The following ANK3 variants were observed in gnomAD, a reference collection of about 807,000 sequenced individuals.
The protein encoded by ANK3 is ankyrin-3.
Under a neutral mutation model 370.9 loss-of-function variants are expected in ANK3, and 57 were observed. The observed-to-expected ratio is 0.15, with a 90% CI of 0.12 to 0.19. The LOEUF is 0.19. Among genes scored for constraint, ANK3 ranks in the 10% least tolerant of loss-of-function variants. The pLI is 1.00. For missense variants in ANK3, 4,439 were observed against 5,302.1 expected (o/e 0.84, Z 5.06); for synonymous variants, 1,929 against 1,946.3 (o/e 0.99, Z 0.23).
At chr10:60,515,096 A>G (rs2076185715) in intron 2 of ANK3, among the ~76,000 whole-genome samples, 1 of 152,210 alleles carries the variant, frequency 6.6e-6, no homozygotes, top group Non-Finnish European at 1.5e-5. Context: ...TACTAGAGCT[A>G]TACTATAAGA....
chr10:60,671,145 C>G (rs2079059971), intron 1 of ANK3, among the ~76,000 whole-genome samples: 1 of 152,170 alleles, frequency 6.6e-6, no homozygotes, highest in East Asian at 1.9e-4. Context: ...GCAGCTAAAT[C>G]TAAATATAAA....
chr10:60,068,478 A>G (rs1176177118), intron 37 of ANK3, among the ~76,000 whole-genome samples, 159 bp downstream of exon 37: 1 of 152,250 alleles, frequency 6.6e-6, no homozygotes, highest in African/African-American at 2.4e-5. Context: ...GCACATACAG[A>G]TGACAATGAC....
Position 60,157,929 on chromosome 10 carries a change from C to T in ANK3, c.2614+8662G>A, listed in dbSNP as rs184396484. On this transcript the variant is annotated intron_variant, in intron 23 of 43. Transcript: ENST00000280772. ...GAGAGAGAGAGAGAGAGAGAGGCAG[C>T]GGCAGGGAAGGAGGGAGGGAGATCA... Among the ~76,000 whole-genome samples, 558 of 121,032 alleles carry T rather than the reference C, an allele frequency of 4.6e-3. 7 individuals are homozygous for T. Among genetic ancestry groups the T allele is most frequent in the Middle Eastern group, 0.036 (6 of 166 alleles). 79.4% of individuals were successfully genotyped at this position (121,032 alleles called of 152,430 possible).
At chr10:60,601,724 A>G (rs1194026741) in intron 2 of ANK3, among the ~76,000 whole-genome samples, 2 of 152,154 alleles carry the variant, frequency 1.3e-5, no homozygotes, top group African/African-American at 4.8e-5. Flanking sequence ...ATAAAATATA[A>G]TGTGGTACTG....
At chr10:60,242,871 T>C (rs2097489967) in intron 7 of ANK3, among the ~76,000 whole-genome samples, 3 of 152,150 alleles carry the variant, frequency 2.0e-5, no homozygotes, top group Admixed American at 1.3e-4. Flanking sequence ...TCTGAAAAAT[T>C]TGATTTTTTG....
At chr10:60,327,605 T>C (rs902816734) in intron 1 of ANK3, among the ~76,000 whole-genome samples, 2 of 152,234 alleles carry the variant, frequency 1.3e-5, no homozygotes, top group African/African-American at 2.4e-5. Flanking sequence ...ATGGGATTTC[T>C]TGGAAGTAAA....
chr10:60,421,285 T>C (rs2063773406), intron 2 of ANK3, among the ~76,000 whole-genome samples: 1 of 152,094 alleles, frequency 6.6e-6, no homozygotes, highest in Non-Finnish European at 1.5e-5. Flanking sequence ...ATATAATTAA[T>C]GCCAGTGAAT....
At chr10:60,675,849 T>G (rs2079117648) in intron 1 of ANK3, among the ~76,000 whole-genome samples, 1 of 152,140 alleles carries the variant, frequency 6.6e-6, no homozygotes, top group Admixed American at 6.5e-5. Context: ...CAAAGGTCAA[T>G]TCACCGTCAC....
chr10:60,323,148 A>G (rs954888611), intron 1 of ANK3, among the ~76,000 whole-genome samples: 2 of 152,196 alleles, frequency 1.3e-5, no homozygotes, highest in African/African-American at 2.4e-5. Context: ...TAAAGGGTGT[A>G]TTAACAAGCC....
intron 2 of ANK3, among the ~76,000 whole-genome samples, chr10:60,544,143 C>A (rs527683897): frequency 4.4e-4 from 67 of 152,064 alleles, no homozygotes; most frequent in African/African-American, 1.5e-3. Context: ...TAGAAAACAC[C>A]GTCCAGAAGG....
Position 60,439,460 on chromosome 10 carries a change from C to A in ANK3, c.97-159821G>T, listed in dbSNP as rs149093383. On this transcript the variant is annotated intron_variant, in intron 2 of 43. Coordinates refer to the ANK3 transcript ENST00000373827. ...ATCGCTTGAGGCCAGGAGTTCGAGACCTGCCAGGGCAACAACACAGTGAGC... is the reference window on the plus strand; with the variant it reads ...ATCGCTTGAGGCCAGGAGTTCGAGAACTGCCAGGGCAACAACACAGTGAGC... 2.6e-3 allele frequency among the ~76,000 whole-genome samples: 390 copies of A among 152,066 alleles called. 1 individual carries two copies. Among genetic ancestry groups the A allele is most frequent in the African/African-American group, 9.0e-3 (373 of 41,454 alleles).
At chr10:60,478,400 A>G (rs914241964) in intron 2 of ANK3, among the ~76,000 whole-genome samples, 4 of 152,150 alleles carry the variant, frequency 2.6e-5, no homozygotes, top group Non-Finnish European at 5.9e-5. Flanking sequence ...CAATAGTAAA[A>G]ACAAAAACTG....
chr10:60,465,811 A>G (rs1397525177), intron 2 of ANK3, among the ~76,000 whole-genome samples: 7 of 149,324 alleles, frequency 4.7e-5, no homozygotes, highest in African/African-American at 1.5e-4. Context: ...TTTTTTCAAA[A>G]AAAGAGGACT....
intron 2 of ANK3, among the ~76,000 whole-genome samples, chr10:60,535,496 T>G (rs985656079): frequency 6.6e-6 from 1 of 152,052 alleles, no homozygotes; most frequent in Non-Finnish European, 1.5e-5. Flanking sequence ...GGGCTATATA[T>G]AGTAGAAATA....
At chr10:60,326,395 G>GA (rs1278599212) in intron 1 of ANK3, among the ~76,000 whole-genome samples, 1 of 152,182 alleles carries the variant, frequency 6.6e-6, no homozygotes, top group Non-Finnish European at 1.5e-5. Context: ...GGGAAGTTCT[G>GA]ATGATTGCCT....
At chr10:60,122,136 C>T (rs1165355187) in intron 25 of ANK3, among the ~76,000 whole-genome samples, 7 of 152,182 alleles carry the variant, frequency 4.6e-5, no homozygotes, top group East Asian at 3.9e-4. Context: ...TTCCCACTCC[C>T]GATTTTTCCA....
chr10:60,224,913 C>CT (rs912364137), intron 8 of ANK3, among the ~76,000 whole-genome samples: 71 of 144,738 alleles, frequency 4.9e-4, no homozygotes, highest in Admixed American at 7.7e-4. Flanking sequence ...CTTTTTCTTT[C>CT]TTTTTTTTTT....
In ANK3 at chr10:60,582,339, TCTGAGGCAGTACATCTTC is replaced by T. The variant is rs1408389957; in HGVS notation, c.96+32829_96+32846del. On this transcript the variant is annotated intron_variant, in intron 2 of 43. Coordinates refer to the ANK3 transcript ENST00000373827. The stretch of plus-strand genomic sequence containing the variant: ...AAGTGACCTTGAGGCAGTACATCTA[TCTGAGGCAGTACATCTTC>T]CTGAGGCATTTCTACTGAAGTTCCA... Among the ~76,000 whole-genome samples the T allele has an allele frequency of 2.0e-5, 3 of 152,134 alleles. No homozygotes were observed. In the South Asian group the frequency reaches 6.2e-4, roughly 32 times the overall value.
intron 2 of ANK3, among the ~76,000 whole-genome samples, chr10:60,575,887 C>T (rs533055046): frequency 1.4e-4 from 21 of 152,172 alleles, no homozygotes; most frequent in African/African-American, 2.4e-4. Flanking sequence ...TCTAGAAATA[C>T]GCATTCAAAG....
Sources: gnomAD v4.1 joint callset for allele counts (sites outside exome capture counted in the v4.1 genomes callset) on GRCh38, gnomAD v4.1.1 for gene constraint, MANE v1.5 for transcripts, NCBI Gene and HGNC (gene_info 2026-07-23, HGNC 2026-07-21) for gene names.